The following ACTA2 variants were observed in gnomAD, a reference collection of about 807,000 sequenced individuals.
ACTA2 encodes actin, aortic smooth muscle.
Under a neutral mutation model 39.5 loss-of-function variants are expected in ACTA2, and 12 were observed. That is an observed-to-expected ratio of 0.30 (90% CI 0.19 to 0.49). The LOEUF (loss-of-function observed/expected upper bound fraction) is 0.49. Among genes scored for constraint, ACTA2 ranks in the 20% least tolerant of loss-of-function variants. The pLI is 0.99. For missense variants in ACTA2, 236 were observed against 498.8 expected (o/e 0.47, Z 5.02); for synonymous variants, 158 against 180.6 (o/e 0.88, Z 1.00).
intron 1 of ACTA2, among the ~76,000 whole-genome samples, chr10:88,964,429 G>A (rs1846286740): frequency 6.6e-6 from 1 of 152,136 alleles, no homozygotes; most frequent in South Asian, 2.1e-4. Context: ...TTCTAGGGGT[G>A]GCAAATTGTG....
intron 1 of ACTA2, chr10:88,974,737 G>C (rs576661883): frequency 1.3e-5 from 2 of 152,164 alleles, no homozygotes; most frequent in Non-Finnish European, 2.9e-5. Flanking sequence ...GACTTTGTTT[G>C]ATAAAATAAA....
chr10:88,946,283 T>TG (rs1260906826), intron 3 of ACTA2, among the ~76,000 whole-genome samples: 4 of 151,000 alleles, frequency 2.6e-5, no homozygotes, highest in Non-Finnish European at 5.9e-5. Context: ...ACCTTTTTTT[T>TG]TTTTTTTTTT....
chr10:88,987,739 G>T (rs987184189), intron 1 of ACTA2, among the ~76,000 whole-genome samples: 2 of 152,184 alleles, frequency 1.3e-5, no homozygotes, highest in African/African-American at 4.8e-5. Context: ...CAAGCCCTGG[G>T]ATTGGTACCA....
chr10:88,965,964 A>C (rs1344359283), intron 1 of ACTA2, among the ~76,000 whole-genome samples: 1 of 152,180 alleles, frequency 6.6e-6, no homozygotes, highest in African/African-American at 2.4e-5. Context: ...AGTTTCCTAA[A>C]GCATGGCCTG....
At chr10:88,955,563 A>G (rs566844268), upstream of ACTA2, among the ~76,000 whole-genome samples, 64 of 152,382 alleles carry the variant, frequency 4.2e-4, no homozygotes, top group African/African-American at 1.5e-3. Context: ...GGGATTTGCC[A>G]GGCTCTGCTC....
chr10:88,968,705 T>C (rs1358170282), intron 1 of ACTA2, among the ~76,000 whole-genome samples: 1 of 152,178 alleles, frequency 6.6e-6, no homozygotes, highest in Non-Finnish European at 1.5e-5. Context: ...TTTTCCTCCT[T>C]AATTCTCACT....
chr10:88,975,637 G>C (rs778541822), intron 1 of ACTA2, among the ~76,000 whole-genome samples: 1 of 151,722 alleles, frequency 6.6e-6, no homozygotes, highest in Admixed American at 6.6e-5. Flanking sequence ...TTCCATGAGA[G>C]TAGGATTTTT....
At chr10:88,977,147 T>C (rs1371689624) in intron 1 of ACTA2, among the ~76,000 whole-genome samples, 7 of 152,144 alleles carry the variant, frequency 4.6e-5, no homozygotes, top group African/African-American at 7.2e-5. Context: ...TCTTTTGCTG[T>C]GCAGAAGCTC....
chr10:88,974,273 C>T (rs2133331161), intron 1 of ACTA2: 1 of 151,870 alleles, frequency 6.6e-6, no homozygotes, highest in East Asian at 1.9e-4. Flanking sequence ...ATCAGGCTCT[C>T]AAGGACTCAA....
At chr10:88,982,121 C>G (rs79152594) in intron 1 of ACTA2, among the ~76,000 whole-genome samples, 1 of 152,192 alleles carries the variant, frequency 6.6e-6, no homozygotes, top group African/African-American at 2.4e-5. Flanking sequence ...GGTTCAAACC[C>G]CAGCTCTACA....
upstream of ACTA2, among the ~76,000 whole-genome samples, chr10:88,957,381 C>T (rs1668633092): frequency 6.6e-6 from 1 of 152,160 alleles, no homozygotes; most frequent in African/African-American, 2.4e-5. Context: ...TCTTTGTCAC[C>T]AAAGATAACT....
chr10:88,957,397 A>C (rs1846154158), upstream of ACTA2, among the ~76,000 whole-genome samples: 1 of 152,214 alleles, frequency 6.6e-6, no homozygotes, highest in Non-Finnish European at 1.5e-5. Context: ...TAACTTGAGA[A>C]ATTAGGTTTA....
chr10:88,985,729 G>C (rs1245973890), intron 1 of ACTA2, among the ~76,000 whole-genome samples: 2 of 152,142 alleles, frequency 1.3e-5, no homozygotes, highest in South Asian at 4.1e-4. Context: ...GATGTCTCTT[G>C]TTCCTTCCAG....
chr10:88,950,241 GAGA>G (rs1196105812), intron 1 of ACTA2, among the ~76,000 whole-genome samples: 1 of 152,170 alleles, frequency 6.6e-6, no homozygotes, highest in Non-Finnish European at 1.5e-5. Flanking sequence ...GTTCCGTTAA[GAGA>G]AGGACACCCA....
upstream of ACTA2, among the ~76,000 whole-genome samples, chr10:88,953,407 A>G (rs45473701): frequency 0.031 from 4,657 of 152,310 alleles, 115 homozygotes; most frequent in South Asian, 0.084. Flanking sequence ...TAGCATTACT[A>G]TAACTACATT....
intron 6 of ACTA2, 61 bp from the exon 7 acceptor site, chr10:88,939,759 A>C: frequency 6.5e-7 from 1 of 1,549,408 alleles, no homozygotes; most frequent in South Asian, 1.1e-5. Flanking sequence ...GCAAAGATTC[A>C]CCTGCCCTAC....
chr10:88,935,849 A>G (rs1845727677), intron 8 of ACTA2, among the ~76,000 whole-genome samples: 1 of 152,210 alleles, frequency 6.6e-6, no homozygotes, highest in African/African-American at 2.4e-5. Flanking sequence ...TGCTCTGTTT[A>G]ACATTGGGGA....
At chr10:88,989,784 T>G (rs796728790) in intron 1 of ACTA2, among the ~76,000 whole-genome samples, 16 of 152,220 alleles carry the variant, frequency 1.1e-4, no homozygotes, top group African/African-American at 3.6e-4. Context: ...GGTTGCAGAG[T>G]GAGGTGCAGA....
At chr10:88,935,949 G>A (rs915069457) in intron 8 of ACTA2, among the ~76,000 whole-genome samples, 2 of 152,044 alleles carry the variant, frequency 1.3e-5, no homozygotes, top group Non-Finnish European at 2.9e-5. Flanking sequence ...GGCCTAACCT[G>A]CAAGGCATGC....
Sources: gnomAD v4.1 joint callset for allele counts (sites outside exome capture counted in the v4.1 genomes callset) on GRCh38, gnomAD v4.1.1 for gene constraint, MANE v1.5 for transcripts, NCBI Gene and HGNC (gene_info 2026-07-23, HGNC 2026-07-21) for gene names.